KDM4D: variants seen among roughly 807,000 people sequenced by gnomAD.
KDM4D encodes lysine demethylase 4D.
For missense variants in KDM4D, 427 were observed against 674.8 expected (o/e 0.63, Z 4.07); for synonymous variants, 254 against 249.1 (o/e 1.02, Z -0.19).
chr11:94,998,476 G>A lies in KDM4D; in HGVS notation c.1104G>A (p.Arg368=). ...LSTQKEVQLP[R]RAALGLRQLP... is the part of the protein sequence containing the mutation. ...CCCAGAAGGAAGTCCAGTTACCCAG[G>A]AGAGCAGCGCTGGGCCTGAGACAAC... Residue 368 remains arginine, a synonymous_variant, in exon 3 of 3, where the codon AGG becomes AGA. Transcript: ENST00000335080. The surrounding 1 kb of genome is among the most constrained non-coding windows in gnomAD (Gnocchi z 6.7). 2.5e-6 allele frequency: 4 copies of A among 1,612,582 alleles called. No individual in the cohort carries two copies. Among genetic ancestry groups the A allele is most frequent in the African/African-American group, 1.3e-5 (1 of 75,028 alleles).
chr11:94,981,241 T>C (rs1440957933), intron 2 of KDM4D, among the ~76,000 whole-genome samples: 3 of 152,144 alleles, frequency 2.0e-5, no homozygotes, highest in African/African-American at 7.2e-5. Flanking sequence ...TAGGTCATGA[T>C]GTATATATTG....
chr11:94,992,851 T>C (rs1049457710), intron 2 of KDM4D, among the ~76,000 whole-genome samples: 6 of 152,216 alleles, frequency 3.9e-5, no homozygotes, highest in Admixed American at 3.9e-4. Flanking sequence ...ATTTTTTCAG[T>C]TATCAAATAT....
chr11:94,994,594 G>A (rs1471174849), intron 2 of KDM4D, among the ~76,000 whole-genome samples: 2 of 152,088 alleles, frequency 1.3e-5, no homozygotes, highest in African/African-American at 4.8e-5. Context: ...CAGTGCCCTG[G>A]AGGTTGTAGG....
In KDM4D at chr11:94,998,592, G is replaced by T. The variant is rs201511454; in HGVS notation, c.1220G>T (p.Arg407Leu). 2.5e-6 allele frequency: 4 copies of T among 1,613,830 alleles called. No homozygotes were observed. The highest frequency in any genetic ancestry group is 3.4e-6 in the Non-Finnish European group (4 of 1,180,030). Residue 407 changes from arginine to leucine, a missense_variant, in exon 3 of 3, where the codon CGC becomes CTC. Physicochemically the swap from Arg to Leu is moderately radical, Grantham distance 102 (BLOSUM62 -2). Transcript: ENST00000335080. This position sits in a 1 kb window ranked among gnomAD's most constrained non-coding sequence, Gnocchi z 6.7. ...ACCCTTGTGTGCTCTTCACTCCCAC[G>T]CCGATCTGCAGTTAGTGGCACTGCT... ...CHTLVCSSLP[R>L]RSAVSGTATQ...
intron 2 of KDM4D, among the ~76,000 whole-genome samples, chr11:94,989,957 C>T (rs189622799): frequency 3.3e-5 from 5 of 152,220 alleles, no homozygotes; most frequent in African/African-American, 9.6e-5. Flanking sequence ...CAGGGTTTCA[C>T]CATGTTGGCC....
chr11:94,993,028 C>G (rs1857948125), intron 2 of KDM4D, among the ~76,000 whole-genome samples: 1 of 152,086 alleles, frequency 6.6e-6, no homozygotes, highest in African/African-American at 2.4e-5. Flanking sequence ...AATACATATG[C>G]AGCAAGAAAG....
In KDM4D at chr11:94,999,062, G is replaced by GC. The variant is rs1555099712; in HGVS notation, c.*124dup. ...CAGGACTCTAGGCATGCATGAAAGA[G>GC]CCCCCCTGGTGATGCCCTTGGATGC... On this transcript the variant is annotated 3_prime_UTR_variant, in exon 3 of 3. Transcript: ENST00000335080. 29 of 990,730 alleles carry GC rather than the reference G, an allele frequency of 2.9e-5. No homozygotes were observed. The highest frequency in any genetic ancestry group is 1.6e-5 in the African/African-American group (1 of 61,164). The allele number at this position is 990,730 out of a possible 1,614,324, so 61.4% of individuals were successfully genotyped here. A position where few individuals can be genotyped will look rare whatever the true frequency, so the allele number is the denominator to read the frequency against.
intron 2 of KDM4D, among the ~76,000 whole-genome samples, chr11:94,989,906 C>T (rs782111249): frequency 6.6e-6 from 1 of 151,898 alleles, no homozygotes; most frequent in Non-Finnish European, 1.5e-5. Flanking sequence ...GGATTACAGG[C>T]CACCACCACG....
rs587639763 is a variant in KDM4D, at chr11:94,976,316, T to C, written c.-350+568T>C. 2.0e-5 allele frequency among the ~76,000 whole-genome samples: 3 copies of C among 152,322 alleles called. No individual in the cohort carries two copies. In the East Asian group the frequency reaches 5.8e-4, roughly 29 times the overall value. On this transcript the variant is annotated intron_variant, in intron 2 of 2. Transcript: ENST00000335080. ...TCCCCTTTCTTCAAGTCTACATGCCTCTTTCACCTCCTTTTCCCTCTGCAT... is the reference window on the plus strand; with the variant it reads ...TCCCCTTTCTTCAAGTCTACATGCCCCTTTCACCTCCTTTTCCCTCTGCAT...
At chr11:94,991,174 G>T (rs72977748) in intron 2 of KDM4D, among the ~76,000 whole-genome samples, 16,725 of 152,198 alleles carry the variant, frequency 0.11, 1,024 homozygotes, top group Middle Eastern at 0.2. Flanking sequence ...AGAAATATCA[G>T]TGTTAGGAGT....
chr11:94,979,842 A>C (rs114731136), intron 2 of KDM4D, among the ~76,000 whole-genome samples: 34 of 152,310 alleles, frequency 2.2e-4, no homozygotes, highest in African/African-American at 7.9e-4. Flanking sequence ...CATCAACAGG[A>C]GATGAGAGTT....
chr11:94,991,352 CCAAAG>C (rs1397580376), intron 2 of KDM4D, among the ~76,000 whole-genome samples: 1 of 150,674 alleles, frequency 6.6e-6, no homozygotes, highest in Non-Finnish European at 1.5e-5. Flanking sequence ...ATGAAAGAGA[CCAAAG>C]CAAAAAAAAG....
Position 94,997,404 on chromosome 11 carries a change from C to A in KDM4D, c.32C>A (p.Ala11Asp). 1 of 1,611,512 alleles carries A rather than the reference C, an allele frequency of 6.2e-7. No individual in the cohort carries two copies. The highest frequency in any genetic ancestry group is 1.1e-5 in the South Asian group (1 of 90,476). Residue 11 changes from alanine to aspartate, a missense_variant, in exon 3 of 3, where the codon GCC (alanine) becomes GAC (aspartate). Coordinates refer to ENST00000335080, the MANE Select transcript of KDM4D (RefSeq NM_018039.3). ...ACTATGAAGTCTAAGGCCAACTGTG[C>A]CCAGAATCCAAATTGTAACATAATG... Reference protein sequence around the residue: METMKSKANCAQNPNCNIMIF... With the variant: METMKSKANCDQNPNCNIMIF...
chr11:94,975,218 TC>T (rs1331435284), intron 1 of KDM4D, among the ~76,000 whole-genome samples: 1 of 152,226 alleles, frequency 6.6e-6, no homozygotes, highest in Non-Finnish European at 1.5e-5. Flanking sequence ...AGTGAGGTTT[TC>T]CTACCCCCAC....
chr11:94,988,174 G>C (rs1555098298), intron 2 of KDM4D, among the ~76,000 whole-genome samples: 1 of 152,136 alleles, frequency 6.6e-6, no homozygotes, highest in African/African-American at 2.4e-5. Context: ...AGAGAGTAAA[G>C]ACAGATTACA....
chr11:94,980,037 C>T (rs940275986), intron 2 of KDM4D, among the ~76,000 whole-genome samples: 1 of 152,120 alleles, frequency 6.6e-6, no homozygotes, highest in African/African-American at 2.4e-5. Flanking sequence ...ATTGAATCAT[C>T]TTTTCTTTAT....
chr11:94,981,486 T>C (rs1857842554), intron 2 of KDM4D, among the ~76,000 whole-genome samples: 1 of 152,082 alleles, frequency 6.6e-6, no homozygotes, highest in African/African-American at 2.4e-5. Context: ...GTATATTTTC[T>C]GGGAAGAGTT....
At position 94,978,198 on chromosome 11, in the gene KDM4D, AC is replaced by A. The variant is rs1409625905; in HGVS notation, c.-350+2451del. Among the ~76,000 whole-genome samples the A allele has an allele frequency of 1.5e-3, 233 of 152,310 alleles. 2 individuals carry two copies. Among genetic ancestry groups the A allele is most frequent in the African/African-American group, 5.2e-3 (217 of 41,572 alleles). On this transcript the variant is annotated intron_variant, in intron 2 of 2. Transcript: ENST00000335080. ...TCTCTCCATCTCTTCCAGTTGAATC[AC>A]TGTCTCCAATTCTACTAAACTCTCA...
In KDM4D at chr11:94,986,731, T is replaced by TA. The variant is rs372342060; in HGVS notation, c.-349-10292dup. Among the ~76,000 whole-genome samples, 337 of 151,744 alleles carry TA rather than the reference T, an allele frequency of 2.2e-3. 2 individuals are homozygous for TA. Among genetic ancestry groups the TA allele is most frequent in the African/African-American group, 7.7e-3 (320 of 41,488 alleles). Reference sequence around the variant, plus strand: ...CTCATATATTGCTGGTTATAAATGTTACATTTACTTTGAAAAACTGTGTAG... The same window carrying TA: ...CTCATATATTGCTGGTTATAAATGTTAACATTTACTTTGAAAAACTGTGTAG... On this transcript the variant is annotated intron_variant, in intron 2 of 2. Transcript: ENST00000335080.
Sources: allele counts gnomAD v4.1 joint callset (sites outside exome capture counted in the v4.1 genomes callset), GRCh38; gene constraint gnomAD v4.1.1; non-coding constraint Gnocchi (gnomAD v3.1); transcripts MANE v1.5; gene names NCBI Gene and HGNC (gene_info 2026-07-23, HGNC 2026-07-21).